The following NAGK variants were observed in gnomAD, a reference collection of about 807,000 sequenced individuals.
NAGK encodes N-acetyl-D-glucosamine kinase.
NAGK carries 35 observed loss-of-function variants against 42.9 expected under a neutral mutation model. The observed-to-expected ratio is 0.82, with a 90% confidence interval of 0.62 to 1.08. The LOEUF is 1.08. NAGK is among the 50% of genes least tolerant of loss of function. NAGK has a pLI of 0.00. For missense variants in NAGK, 446 were observed against 446.0 expected (o/e 1.00, Z 0.00); for synonymous variants, 172 against 176.0 (o/e 0.98, Z 0.18).
chr2:71,076,772 C>A, intron 8 of NAGK, 71 bp downstream of exon 8: 1 of 1,270,270 alleles, frequency 7.9e-7, no homozygotes, highest in Non-Finnish European at 1.1e-6. Context: ...GTGGATGGGA[C>A]TATCCCATCA....
chr2:71,074,160 G>A (rs779157225), intron 6 of NAGK, among the ~76,000 whole-genome samples: 27 of 152,222 alleles, frequency 1.8e-4, no homozygotes, highest in Admixed American at 1.6e-3. Flanking sequence ...AGGCGGGAGA[G>A]AAGGTGAAAG....
intron 8 of NAGK, 125 bp from the exon 9 acceptor site, chr2:71,077,429 AGTCT>A (rs2103721863): frequency 1.3e-6 from 1 of 784,852 alleles, no homozygotes; most frequent in African/African-American, 1.8e-5. Flanking sequence ...CCCTTTCCTG[AGTCT>A]GTCTACTGTT....
intron 8 of NAGK, 177 bp from the exon 9 acceptor site, chr2:71,077,381 C>T (rs886216771): frequency 3.2e-6 from 2 of 617,586 alleles, no homozygotes; most frequent in South Asian, 2.0e-5. Flanking sequence ...TCTCCTTGCC[C>T]TTTACAAATG....
chr2:71,073,994 A>G (rs1262572721), intron 6 of NAGK, among the ~76,000 whole-genome samples: 1 of 152,126 alleles, frequency 6.6e-6, no homozygotes, highest in Non-Finnish European at 1.5e-5. Context: ...TCTGGCCTGG[A>G]TGGGTCAAGA....
At chr2:71,074,138 A>G (rs946191608) in intron 6 of NAGK, among the ~76,000 whole-genome samples, 3 of 152,174 alleles carry the variant, frequency 2.0e-5, no homozygotes, top group Non-Finnish European at 2.9e-5. Context: ...CTTTAGCGGA[A>G]CCAGAGGTAA....
At chr2:71,068,332 G>T, upstream of NAGK, 1 of 563,272 alleles carries the variant, frequency 1.8e-6, no homozygotes, top group Non-Finnish European at 2.8e-6. Context: ...TTTACAGGCA[G>T]GCAGGTCAGT....
At chr2:71,076,021 A>G in intron 7 of NAGK, 1 of 258,402 alleles carries the variant, frequency 3.9e-6, no homozygotes, top group Non-Finnish European at 7.6e-6. Context: ...GGGTGTCAGG[A>G]GATGCTGAAC....
chr2:71,071,905 G>A lies in NAGK; in HGVS notation c.355+78G>A. On this transcript the variant is annotated intron_variant, in intron 4 of 9. Transcript: ENST00000244204. ...CCCTTAGATATAGCTGACAAAACTT[G>A]TTCTGCAAATATCCAGAAGGCAGCC... is the stretch of plus-strand genomic sequence containing the variant. The A allele has an allele frequency of 5.2e-6, 8 of 1,551,114 alleles. No individual in the cohort carries two copies. The South Asian group carries it at 8.2e-5, about 16-fold the overall frequency.
intron 8 of NAGK, among the ~76,000 whole-genome samples, 173 bp downstream of exon 8, chr2:71,076,874 A>G (rs963364794): frequency 3.3e-5 from 5 of 152,172 alleles, no homozygotes; most frequent in Non-Finnish European, 7.4e-5. Flanking sequence ...CTTTGGTCAA[A>G]TGCCGCCCTC....
Position 71,079,243 on chromosome 2 carries a change from T to C in NAGK, c.*735T>C, listed in dbSNP as rs866166476. The C allele has an allele frequency of 2.6e-5, 4 of 152,208 alleles. No individual in the cohort carries two copies. The highest frequency in any genetic ancestry group is 7.2e-5 in the African/African-American group (3 of 41,416). The allele number at this position is 152,208 out of a possible 1,614,324, so 9.4% of individuals were successfully genotyped here. On this transcript the variant is annotated 3_prime_UTR_variant, in exon 10 of 10. Coordinates refer to ENST00000244204, the MANE Select transcript of NAGK (RefSeq NM_017567.6). ...CAGCGTGACACTATGTGTTGTGTGT[T>C]CCTGGGAATGAGGAGCATCAGTGAA...
rs762193259 is a variant in NAGK, at chr2:71,075,536, G to A, written c.580-19G>A. On this transcript the variant is annotated intron_variant, in intron 6 of 9. Coordinates refer to ENST00000244204, the MANE Select transcript of NAGK (RefSeq NM_017567.6). ...TTCCTTTGCTTCTGATGACTCTCTT[G>A]TGCCCTTTCTCCTCTCAGGTGCCAG... is the stretch of plus-strand genomic sequence containing the variant. 2 of 1,591,266 alleles carry A rather than the reference G, an allele frequency of 1.3e-6. No homozygotes were observed. The highest frequency in any genetic ancestry group is 1.1e-5 in the South Asian group (1 of 90,456).
At chr2:71,078,043 C>T (rs531255139) in intron 9 of NAGK, among the ~76,000 whole-genome samples, 21 of 152,294 alleles carry the variant, frequency 1.4e-4, no homozygotes, top group Admixed American at 9.2e-4. Context: ...TGGTTTCTAC[C>T]GGACATTCTG....
Position 71,070,599 on chromosome 2 carries a change from CTG to C in NAGK, c.114+14_114+15del. On this transcript the variant is annotated intron_variant, in intron 2 of 9. Transcript: ENST00000244204. Reference sequence around the variant, plus strand: ...CACAAACCACTGGGTAAAAACCACACTGAGGGGATCAGAGGGCTTGGTTCTGA... The same window carrying C: ...CACAAACCACTGGGTAAAAACCACACAGGGGATCAGAGGGCTTGGTTCTGA... 1 of 1,611,528 alleles carries C rather than the reference CTG, an allele frequency of 6.2e-7. No homozygotes were observed. The highest frequency in any genetic ancestry group is 1.1e-5 in the South Asian group (1 of 90,984).
upstream of NAGK, chr2:71,068,516 C>A (rs763689212): frequency 6.2e-6 from 9 of 1,448,042 alleles, no homozygotes; most frequent in South Asian, 2.8e-5. Flanking sequence ...CGCAGCCATC[C>A]CCGGCTCCTA....
chr2:71,073,447 G>A (rs1377856405), intron 5 of NAGK, 35 bp from the exon 6 acceptor site: 2 of 1,446,194 alleles, frequency 1.4e-6, no homozygotes, highest in Non-Finnish European at 1.9e-6. Flanking sequence ...CAGGATGACT[G>A]CTCCCATCTT....
intron 8 of NAGK, 131 bp downstream of exon 8, chr2:71,076,832 G>C (rs1479100731): frequency 1.3e-6 from 1 of 761,050 alleles, no homozygotes; most frequent in Non-Finnish European, 2.1e-6. Flanking sequence ...GGTCTAAGAA[G>C]CATTCTGCAG....
rs142009799 is a variant in NAGK at position 71,078,469 on chromosome 2, C to T, written c.996C>T (p.Ser332=). The T allele has an allele frequency of 1.3e-4, 212 of 1,602,112 alleles. No individual in the cohort carries two copies. The African/African-American group carries it at 1.4e-3, about 11-fold the overall frequency. ...GGCACCTCCTCCCCATGGACTATAG[C>T]GCCAATGCCATTGCCTTCTATTCCT... ...HIGHLLPMDY[S]ANAIAFYSYT... is the part of the protein sequence containing the mutation. Residue 332 remains serine (S), a synonymous_variant, in exon 10 of 10, where the codon AGC becomes AGT. Coordinates refer to ENST00000244204, the MANE Select transcript of NAGK (RefSeq NM_017567.6).
chr2:71,072,781 TC>T (rs1407579029), intron 5 of NAGK, 30 bp downstream of exon 5: 6 of 1,565,304 alleles, frequency 3.8e-6, no homozygotes, highest in Non-Finnish European at 4.4e-6. Context: ...CAGCTCCAGG[TC>T]CTGGATCTGC....
chr2:71,073,011 C>T (rs1360678112), intron 5 of NAGK: 1 of 520,840 alleles, frequency 1.9e-6, no homozygotes, highest in Admixed American at 2.9e-5. Flanking sequence ...CCTGTGTTGA[C>T]TTGCTGTCCT....
Sources: allele counts gnomAD v4.1 joint callset (sites outside exome capture counted in the v4.1 genomes callset), GRCh38; gene constraint gnomAD v4.1.1; transcripts MANE v1.5; gene names NCBI Gene and HGNC (gene_info 2026-07-23, HGNC 2026-07-21).